Variants in CDH8 observed in about 807,000 individuals in gnomAD.
The protein encoded by CDH8 is cadherin 8, also known as cadherin-8.
CDH8 carries 17 observed loss-of-function variants against 68.1 expected under a neutral mutation model. The ratio of observed to expected loss-of-function variants is 0.25; its 90% CI spans 0.17 to 0.37. CDH8 has a LOEUF of 0.37. CDH8 is among the 10% of genes least tolerant of loss of function. The pLI is 1.00. For missense variants in CDH8, 763 were observed against 999.3 expected, an observed-to-expected ratio of 0.76 and a Z score of 3.19; for synonymous variants, 372 against 365.1, an observed-to-expected ratio of 1.02 and a Z score of -0.21.
intron 3 of CDH8, among the ~76,000 whole-genome samples, chr16:61,877,222 T>C (rs1365012507): frequency 6.6e-6 from 1 of 152,058 alleles, no homozygotes; most frequent in Non-Finnish European, 1.5e-5. Flanking sequence ...TTCATCATCT[T>C]AGAACGAGAC....
chr16:61,942,856 G>A (rs182815599), intron 2 of CDH8, among the ~76,000 whole-genome samples: 2 of 152,244 alleles, frequency 1.3e-5, no homozygotes, highest in African/African-American at 2.4e-5. Flanking sequence ...AGGCTCACTT[G>A]AGCCCAGGAA....
At chr16:61,759,326 T>A in intron 8 of CDH8, among the ~76,000 whole-genome samples, 1 of 151,684 alleles carries the variant, frequency 6.6e-6, no homozygotes, top group East Asian at 1.9e-4. Context: ...ATAATTTATT[T>A]TTTAAAAAGA....
At chr16:61,685,147 G>T (rs2142813076) in intron 10 of CDH8, among the ~76,000 whole-genome samples, 1 of 149,300 alleles carries the variant, frequency 6.7e-6, no homozygotes, top group Middle Eastern at 3.5e-3. Flanking sequence ...GAGAAGTTGG[G>T]AGAAAAGGCA....
In CDH8 at chr16:61,768,314, T is replaced by TTCTCTCTC. The variant is rs1206629963; in HGVS notation, c.1414+21024_1414+21031dup. The stretch of plus-strand genomic sequence containing the variant: ...AGGCTCTCTCTCTGTGTCTCTCCCT[T>TTCTCTCTC]TCTCTCTCTCTCTCTCTCTCTCTCT... On this transcript the variant is annotated intron_variant, in intron 8 of 11. Transcript: ENST00000577390. Among the ~76,000 whole-genome samples, 12 of 17,200 alleles carry TTCTCTCTC rather than the reference T, an allele frequency of 7.0e-4. No individual in the cohort carries two copies. In the East Asian group the frequency reaches 7.9e-3, roughly 11 times the overall value. 11.3% of individuals were successfully genotyped at this position (17,200 alleles called of 152,430 possible).
At chr16:61,941,746 A>ATTTTG (rs1401632406) in intron 2 of CDH8, among the ~76,000 whole-genome samples, 1 of 152,008 alleles carries the variant, frequency 6.6e-6, no homozygotes, top group African/African-American at 2.4e-5. Context: ...CTGGCCTCCT[A>ATTTTG]TTTTGTTTTG....
At chr16:61,959,751 A>G (rs548542838) in intron 2 of CDH8, among the ~76,000 whole-genome samples, 3 of 150,198 alleles carry the variant, frequency 2.0e-5, no homozygotes, top group African/African-American at 7.3e-5. Flanking sequence ...TGATATCTAT[A>G]TATCTATATA....
chr16:61,656,735 C>T (rs921202922), intron 10 of CDH8, among the ~76,000 whole-genome samples: 1 of 152,184 alleles, frequency 6.6e-6, no homozygotes, highest in African/African-American at 2.4e-5. Flanking sequence ...TCTGGAGCAA[C>T]AGTTAAGCAA....
At chr16:62,011,958 G>T (rs889336903) in intron 2 of CDH8, among the ~76,000 whole-genome samples, 2 of 152,190 alleles carry the variant, frequency 1.3e-5, no homozygotes, top group Middle Eastern at 3.2e-3. Flanking sequence ...ATTGTGTAAT[G>T]AAATATTCAA....
chr16:61,846,283 A>G (rs1962804659), intron 4 of CDH8, among the ~76,000 whole-genome samples: 2 of 152,076 alleles, frequency 1.3e-5, no homozygotes, highest in South Asian at 2.1e-4. Context: ...CCTTTATGAC[A>G]CTTTGGATAA....
intron 7 of CDH8, among the ~76,000 whole-genome samples, chr16:61,811,555 T>A (rs1189652543): frequency 6.6e-6 from 1 of 152,130 alleles, no homozygotes; most frequent in African/African-American, 2.4e-5. Context: ...TGAGTATTTA[T>A]CCCAAAGAAT....
chr16:61,866,485 G>A (rs1331836194), intron 3 of CDH8, among the ~76,000 whole-genome samples: 3 of 152,038 alleles, frequency 2.0e-5, no homozygotes, highest in South Asian at 2.1e-4. Flanking sequence ...GCAGCATGAT[G>A]TAATTGAAAG....
intron 3 of CDH8, among the ~76,000 whole-genome samples, chr16:61,865,351 C>T (rs1465215354): frequency 6.6e-6 from 1 of 152,148 alleles, no homozygotes; most frequent in Non-Finnish European, 1.5e-5. Context: ...TTAGAATGAG[C>T]CTGAAACTTT....
In CDH8 at chr16:61,727,148, A is replaced by T. The variant is rs777130460; in HGVS notation, c.1482T>A (p.Pro494=). Residue 494 remains proline (P), a synonymous_variant, in exon 9 of 12, where the codon CCT becomes CCA. Coordinates refer to ENST00000577390, the MANE Select transcript of CDH8 (RefSeq NM_001796.5). ...IKVLDVNDNA[P]EFASEYEAFL... Reference sequence around the variant, plus strand: ...ATGCCTCATATTCGGATGCGAATTCAGGGGCGTTGTCATTGACATCCAGCA... The same window carrying T: ...ATGCCTCATATTCGGATGCGAATTCTGGGGCGTTGTCATTGACATCCAGCA... The T allele has an allele frequency of 6.2e-6, 10 of 1,610,448 alleles. 1 individual carries two copies. The South Asian group carries it at 1.1e-4, about 18-fold the overall frequency.
chr16:61,714,824 T>C (rs192343188), intron 9 of CDH8, among the ~76,000 whole-genome samples: 60 of 151,818 alleles, frequency 4.0e-4, no homozygotes, highest in African/African-American at 1.3e-3. Context: ...CCATAAAAAG[T>C]AGTTAACAGT....
intron 8 of CDH8, among the ~76,000 whole-genome samples, chr16:61,785,189 A>T (rs1281621513): frequency 1.1e-4 from 14 of 123,120 alleles, no homozygotes; most frequent in South Asian, 3.2e-4. Flanking sequence ...ATAGACCACT[A>T]GCAAGACTAA....
intron 3 of CDH8, among the ~76,000 whole-genome samples, chr16:61,859,299 G>A (rs72798758): frequency 0.08 from 12,171 of 152,212 alleles, 577 homozygotes; most frequent in African/African-American, 0.11. Flanking sequence ...GAAGAATTGG[G>A]AGTAAAACCT....
At chr16:61,899,058 C>T (rs569137082) in intron 3 of CDH8, among the ~76,000 whole-genome samples, 4 of 152,220 alleles carry the variant, frequency 2.6e-5, no homozygotes, top group East Asian at 1.9e-4. Flanking sequence ...ATGCACGTGC[C>T]ATGGTGATTT....
chr16:61,694,086 A>G (rs1462412147), intron 10 of CDH8, among the ~76,000 whole-genome samples: 2 of 152,220 alleles, frequency 1.3e-5, no homozygotes, highest in African/African-American at 4.8e-5. Flanking sequence ...AGAATTAGAA[A>G]GTGGCAGAGT....
chr16:61,987,073 T>C (rs1279296322), intron 2 of CDH8, among the ~76,000 whole-genome samples: 1 of 152,206 alleles, frequency 6.6e-6, no homozygotes, highest in Non-Finnish European at 1.5e-5. Flanking sequence ...AGGAGGAAGA[T>C]GGTGTCTCCA....
Sources: allele counts gnomAD v4.1 joint callset (sites outside exome capture counted in the v4.1 genomes callset), GRCh38; gene constraint gnomAD v4.1.1; transcripts MANE v1.5; gene names NCBI Gene and HGNC (gene_info 2026-07-23, HGNC 2026-07-21).